KAZN: variants seen among roughly 807,000 people sequenced by gnomAD.
KAZN encodes kazrin, periplakin interacting protein.
A neutral mutation model predicts 87.4 loss-of-function variants in KAZN; 40 were observed. The ratio of observed to expected loss-of-function variants is 0.46; its 90% CI spans 0.36 to 0.60. The LOEUF (loss-of-function observed/expected upper bound fraction) is 0.60, where lower values mean the gene tolerates loss of function less well. Ranked by LOEUF, KAZN falls within the 20% of genes least tolerant of loss-of-function variation. The pLI is 0.00. For missense variants in KAZN, 898 were observed against 1,073.9 expected (o/e 0.84, Z 2.29); for synonymous variants, 466 against 458.3 (o/e 1.02, Z -0.22).
chr1:14,998,378 G>C (rs1166167553), intron 2 of KAZN, among the ~76,000 whole-genome samples: 27 of 150,288 alleles, frequency 1.8e-4, no homozygotes, highest in Non-Finnish European at 1.5e-5. Context: ...GCCCACCTGA[G>C]GCAGAGAGGA....
At position 14,253,853 on chromosome 1, in the gene KAZN, G is replaced by A. The variant is rs528818785; in HGVS notation, c.249+73261G>A. 1.3e-3 allele frequency among the ~76,000 whole-genome samples: 203 copies of A among 151,304 alleles called. 2 individuals carry two copies. Among genetic ancestry groups the A allele is most frequent in the Middle Eastern group, 6.8e-3 (2 of 292 alleles). ...TCCCCGGCCAGATATTCATGTCGCA[G>A]ATGTATGAGCTCCTGCAGTCATTAT... is the stretch of plus-strand genomic sequence containing the variant. On this transcript the variant is annotated intron_variant, in intron 2 of 16. Transcript: ENST00000636203.
chr1:14,458,029 A>G (rs1667664914), intron 2 of KAZN, among the ~76,000 whole-genome samples: 1 of 152,068 alleles, frequency 6.6e-6, no homozygotes, highest in Admixed American at 6.6e-5. Flanking sequence ...TCACTGCGTT[A>G]GCCAGGATGG....
At chr1:14,557,828 T>C (rs1343814902) in intron 2 of KAZN, among the ~76,000 whole-genome samples, 2 of 152,194 alleles carry the variant, frequency 1.3e-5, no homozygotes, top group Admixed American at 6.5e-5. Context: ...GTCTGATTAA[T>C]ATTTGTCTTC....
At chr1:14,668,440 G>A (rs553300267) in intron 1 of KAZN, among the ~76,000 whole-genome samples, 1 of 152,166 alleles carries the variant, frequency 6.6e-6, no homozygotes, top group African/African-American at 2.4e-5. Flanking sequence ...AAGGCACAAA[G>A]AGACCTCAGA....
At chr1:14,441,248 TC>T (rs1666685160) in intron 2 of KAZN, among the ~76,000 whole-genome samples, 1 of 141,410 alleles carries the variant, frequency 7.1e-6, no homozygotes, top group African/African-American at 2.7e-5. Flanking sequence ...TGAATTAACT[TC>T]CATGAGAATA....
chr1:14,757,202 A>G (rs1028184784), intron 1 of KAZN, among the ~76,000 whole-genome samples: 2 of 152,226 alleles, frequency 1.3e-5, no homozygotes, highest in African/African-American at 4.8e-5. Context: ...GTTACAATAT[A>G]TGGTTTTTTT....
At chr1:14,801,088 C>A (rs531998872) in intron 1 of KAZN, among the ~76,000 whole-genome samples, 1 of 150,896 alleles carries the variant, frequency 6.6e-6, no homozygotes, top group Non-Finnish European at 1.5e-5. Flanking sequence ...AAAAGAGTCA[C>A]GGGGCGCAGA....
intron 1 of KAZN, among the ~76,000 whole-genome samples, chr1:14,161,254 C>T (rs1645703401): frequency 6.6e-6 from 1 of 152,180 alleles, no homozygotes; most frequent in Non-Finnish European, 1.5e-5. Context: ...AATAACAGAT[C>T]CTTATCTCAC....
intron 1 of KAZN, among the ~76,000 whole-genome samples, chr1:14,850,132 C>A (rs1172909652): frequency 6.6e-6 from 1 of 152,122 alleles, no homozygotes; most frequent in East Asian, 1.9e-4. Context: ...GACAGGGTTT[C>A]ACCATGTTTG....
In KAZN at chr1:14,834,356, CTT is replaced by C. The variant is rs34228625; in HGVS notation, c.227-126306_227-126305del. On this transcript the variant is annotated intron_variant, in intron 1 of 14. Coordinates refer to ENST00000376030, the MANE Select transcript of KAZN (RefSeq NM_201628.3). ...TGGCCCCAAGTCACCAAGTCACTTC[CTT>C]TTTTTTTTTTTTTTTTTTTTTGAGA... Among the ~76,000 whole-genome samples, 554 of 88,632 alleles carry C rather than the reference CTT, an allele frequency of 6.3e-3. 2 individuals are homozygous for C. Among genetic ancestry groups the C allele is most frequent in the African/African-American group, 0.021 (403 of 19,528 alleles). 58.1% of individuals were successfully genotyped at this position (88,632 alleles called of 152,430 possible).
chr1:14,510,378 C>CAAAA (rs70997152), intron 2 of KAZN, among the ~76,000 whole-genome samples: 273 of 144,590 alleles, frequency 1.9e-3, no homozygotes, highest in African/African-American at 6.4e-3. Flanking sequence ...AACTCCATCT[C>CAAAA]AAAAAAAAAA....
At chr1:13,942,280 C>T (rs1291745636) in intron 1 of KAZN, among the ~76,000 whole-genome samples, 1 of 151,964 alleles carries the variant, frequency 6.6e-6, no homozygotes, top group Middle Eastern at 3.4e-3. Flanking sequence ...GTGGCTCACG[C>T]CTGTAATCCC....
chr1:14,950,622 T>C (rs1450342704), intron 1 of KAZN, among the ~76,000 whole-genome samples: 1 of 152,148 alleles, frequency 6.6e-6, no homozygotes, highest in African/African-American at 2.4e-5. Context: ...CTGTGGCAGC[T>C]GTGGTCACAT....
At chr1:14,525,150 G>A (rs1482245776) in intron 2 of KAZN, among the ~76,000 whole-genome samples, 1 of 152,206 alleles carries the variant, frequency 6.6e-6, no homozygotes. Context: ...GTTTGAATAT[G>A]TGCATGCATG....
At chr1:14,068,664 C>G (rs982078425) in intron 1 of KAZN, among the ~76,000 whole-genome samples, 1 of 152,176 alleles carries the variant, frequency 6.6e-6, no homozygotes, top group African/African-American at 2.4e-5. Context: ...CCTTCAGGGG[C>G]TTTCATTGCC....
intron 1 of KAZN, among the ~76,000 whole-genome samples, chr1:14,627,098 C>G (rs2148652505): frequency 6.6e-6 from 1 of 152,072 alleles, no homozygotes; most frequent in East Asian, 1.9e-4. Flanking sequence ...GGGAAAGACA[C>G]AGTAACCAAA....
intron 2 of KAZN, among the ~76,000 whole-genome samples, chr1:14,436,735 A>C (rs1666415682): frequency 9.9e-6 from 1 of 101,218 alleles, no homozygotes; most frequent in African/African-American, 4.3e-5. Flanking sequence ...AAAAAAAAAA[A>C]AAACCTTAAA....
chr1:15,043,994 C>T lies in KAZN; in HGVS notation c.561C>T (p.Ser187=), dbSNP rs755553183. The change falls in exon 4 of 15, where the codon AGC becomes AGT. Residue 187 remains serine, a synonymous_variant. Transcript: ENST00000376030. The part of the protein sequence containing the change: ...IRNYEQHRKE[S]EDAVKALAKE... ...TCTCCCTCTCCCACCCACAGGAGAG[C>T]GAGGATGCGGTCAAAGCGCTGGCCA... is the stretch of plus-strand genomic sequence containing the variant. 5 of 1,608,440 alleles carry T rather than the reference C, an allele frequency of 3.1e-6. No homozygotes were observed. The highest frequency in any genetic ancestry group is 3.3e-5 in the Admixed American group (2 of 59,782).
chr1:14,894,354 A>G (rs1477284362), intron 1 of KAZN, among the ~76,000 whole-genome samples: 2 of 152,020 alleles, frequency 1.3e-5, no homozygotes, highest in Admixed American at 6.6e-5. Flanking sequence ...CTCACTCCCA[A>G]TCAGCTGTGC....
Sources: gnomAD v4.1 joint callset for allele counts (sites outside exome capture counted in the v4.1 genomes callset) on GRCh38, gnomAD v4.1.1 for gene constraint, MANE v1.5 for transcripts, NCBI Gene and HGNC (gene_info 2026-07-23, HGNC 2026-07-21) for gene names.